SLC22A23: variants seen among roughly 807,000 people sequenced by gnomAD.
The protein encoded by SLC22A23 is ion transporter protein.
SLC22A23 carries 26 observed loss-of-function variants against 61.0 expected under a neutral mutation model. The observed-to-expected ratio is 0.43, with a 90% CI of 0.31 to 0.59. The LOEUF (loss-of-function observed/expected upper bound fraction) is 0.59. SLC22A23 is among the 20% of genes least tolerant of loss of function. The probability of loss-of-function intolerance (pLI) is 0.11; values close to 1 mark genes in which losing one functional copy is unlikely to be tolerated. For synonymous variants in SLC22A23, 430 were observed against 413.9 expected (o/e 1.04, Z -0.47); for missense variants, 796 against 934.7 (o/e 0.85, Z 1.94).
At position 3,355,969 on chromosome 6, in the gene SLC22A23, G is replaced by T. The variant is rs564810713; in HGVS notation, c.914-31967C>A. Among the ~76,000 whole-genome samples, 223 of 121,852 alleles carry T rather than the reference G, an allele frequency of 1.8e-3. 4 individuals carry two copies. Among genetic ancestry groups the T allele is most frequent in the African/African-American group, 7.2e-3 (217 of 30,068 alleles). 79.9% of individuals were successfully genotyped at this position (121,852 alleles called of 152,430 possible). A position where few individuals can be genotyped will look rare whatever the true frequency, so the allele number is the denominator to read the frequency against. ...TTTTTTAAAGGCAAAACTGTACAAC[G>T]CAGTGTTCTAGATGTGGGAAAACCT... On this transcript the variant is annotated intron_variant, in intron 3 of 9. Coordinates refer to ENST00000406686, the MANE Select transcript of SLC22A23 (RefSeq NM_015482.2).
chr6:3,345,864 G>T (rs56774552), intron 3 of SLC22A23, among the ~76,000 whole-genome samples: 1 of 152,162 alleles, frequency 6.6e-6, no homozygotes. Flanking sequence ...AGCAGATTTT[G>T]TTTTTGTTTC....
chr6:3,279,509 CAAAAAA>C (rs10642564), intron 9 of SLC22A23, among the ~76,000 whole-genome samples: 4,569 of 35,984 alleles, frequency 0.13, 276 homozygotes, highest in Middle Eastern at 0.29. Flanking sequence ...GGCTCCGTCT[CAAAAAA>C]AAAAAAAAAA....
At chr6:3,448,643 G>A (rs1303125597) in intron 1 of SLC22A23, among the ~76,000 whole-genome samples, 5 of 152,066 alleles carry the variant, frequency 3.3e-5, no homozygotes, top group Non-Finnish European at 7.4e-5. Flanking sequence ...ACAGGCGCCC[G>A]CCACCACGCC....
At chr6:3,310,844 C>T (rs758065040) in intron 4 of SLC22A23, among the ~76,000 whole-genome samples, 19 of 152,222 alleles carry the variant, frequency 1.2e-4, no homozygotes, top group Non-Finnish European at 1.6e-4. Flanking sequence ...CCCTCTTTAA[C>T]GTACTGTACT....
At chr6:3,377,062 G>A (rs114587397) in intron 3 of SLC22A23, among the ~76,000 whole-genome samples, 367 of 152,254 alleles carry the variant, frequency 2.4e-3, no homozygotes, top group African/African-American at 8.4e-3. Flanking sequence ...TAGAGCAGAG[G>A]TTGGCAAACT....
intron 4 of SLC22A23, among the ~76,000 whole-genome samples, chr6:3,307,160 C>A (rs1762036647): frequency 6.6e-6 from 1 of 152,160 alleles, no homozygotes; most frequent in Non-Finnish European, 1.5e-5. Context: ...TGGTTACTGA[C>A]AAGCTGAGGG....
At chr6:3,440,205 C>T (rs1317488492) in intron 1 of SLC22A23, among the ~76,000 whole-genome samples, 1 of 152,208 alleles carries the variant, frequency 6.6e-6, no homozygotes, top group African/African-American at 2.4e-5. Context: ...GGTGCAGATA[C>T]AGATCAGAGC....
chr6:3,357,692 A>C lies in SLC22A23; in HGVS notation c.914-33690T>G, dbSNP rs1429459441. Among the ~76,000 whole-genome samples, 4 of 152,364 alleles carry C rather than the reference A, an allele frequency of 2.6e-5. No homozygotes were observed. The South Asian group carries it at 8.3e-4, about 32-fold the overall frequency. On this transcript the variant is annotated intron_variant, in intron 3 of 9. Coordinates refer to ENST00000406686, the MANE Select transcript of SLC22A23 (RefSeq NM_015482.2). ...TGAATAATGACAAATAATGGAAAAC[A>C]GAAGGCGGCTGTGTATAATGAATGC... is the stretch of plus-strand genomic sequence containing the variant.
At chr6:3,326,218 T>C (rs1763272120) in intron 3 of SLC22A23, among the ~76,000 whole-genome samples, 1 of 152,250 alleles carries the variant, frequency 6.6e-6, no homozygotes, top group Admixed American at 6.5e-5. Context: ...TTAGTGTGAC[T>C]GTCAATATGA....
intron 3 of SLC22A23, among the ~76,000 whole-genome samples, chr6:3,361,089 A>G (rs1307351214): frequency 7.0e-6 from 1 of 142,054 alleles, no homozygotes; most frequent in Non-Finnish European, 1.5e-5. Flanking sequence ...ACCCCAAGTT[A>G]AACTGCTTAA....
chr6:3,287,391 A>G (rs1032514342), intron 6 of SLC22A23, among the ~76,000 whole-genome samples: 1 of 152,162 alleles, frequency 6.6e-6, no homozygotes, highest in Non-Finnish European at 1.5e-5. Context: ...ACACACTTTC[A>G]TGGGAATCCT....
At chr6:3,420,241 A>G (rs1770027417) in intron 1 of SLC22A23, among the ~76,000 whole-genome samples, 1 of 152,044 alleles carries the variant, frequency 6.6e-6, no homozygotes. Context: ...AGAAAAAAAA[A>G]AAAAAAACCA....
intron 3 of SLC22A23, among the ~76,000 whole-genome samples, chr6:3,358,138 C>T (rs1417404728): frequency 6.6e-6 from 1 of 152,110 alleles, no homozygotes; most frequent in Non-Finnish European, 1.5e-5. Context: ...AAAAATGGTG[C>T]AGCCATTATG....
chr6:3,335,925 T>TA (rs1365705982), intron 3 of SLC22A23, among the ~76,000 whole-genome samples: 1 of 152,024 alleles, frequency 6.6e-6, no homozygotes, highest in Admixed American at 6.5e-5. Flanking sequence ...CCGTCTCTAC[T>TA]AAAAATACAA....
chr6:3,351,929 G>A (rs552310539), intron 3 of SLC22A23, among the ~76,000 whole-genome samples: 1 of 152,348 alleles, frequency 6.6e-6, no homozygotes, highest in Admixed American at 6.5e-5. Context: ...GGCAGATGGA[G>A]TTCCCATCTA....
chr6:3,442,895 A>G (rs1011807985), intron 1 of SLC22A23, among the ~76,000 whole-genome samples: 2 of 152,110 alleles, frequency 1.3e-5, no homozygotes, highest in African/African-American at 4.8e-5. Flanking sequence ...TCTGTGACTC[A>G]GCTCTTTGGT....
chr6:3,377,350 G>A (rs1006663303), intron 3 of SLC22A23, among the ~76,000 whole-genome samples: 7 of 152,090 alleles, frequency 4.6e-5, no homozygotes, highest in Admixed American at 4.6e-4. Flanking sequence ...GATTACTGAT[G>A]GAATGATGGA....
At chr6:3,452,347 C>A (rs1301849430) in intron 1 of SLC22A23, among the ~76,000 whole-genome samples, 1 of 152,198 alleles carries the variant, frequency 6.6e-6, no homozygotes. Context: ...AATCCTAACA[C>A]TTTGGGAGGC....
intron 3 of SLC22A23, among the ~76,000 whole-genome samples, chr6:3,380,850 C>T (rs1366216901): frequency 1.3e-5 from 2 of 152,014 alleles, no homozygotes; most frequent in Non-Finnish European, 2.9e-5. Context: ...TGCAGGCTGA[C>T]GGAGCAGCTA....
Sources: allele counts gnomAD v4.1 joint callset (sites outside exome capture counted in the v4.1 genomes callset), GRCh38; gene constraint gnomAD v4.1.1; transcripts MANE v1.5; gene names NCBI Gene and HGNC (gene_info 2026-07-23, HGNC 2026-07-21).